Variants in MYO16 observed in about 807,000 individuals in gnomAD.
MYO16 encodes myosin XVI.
A neutral mutation model predicts 205.3 loss-of-function variants in MYO16; 94 were observed. The ratio of observed to expected loss-of-function variants is 0.46; its 90% CI spans 0.39 to 0.54. The LOEUF (loss-of-function observed/expected upper bound fraction) is 0.54. MYO16 is among the 20% of genes least tolerant of loss of function. The probability of loss-of-function intolerance (pLI) is 0.00; values close to 1 mark genes in which losing one functional copy is unlikely to be tolerated. For synonymous variants in MYO16, 988 were observed against 954.0 expected (o/e 1.04, Z -0.66); for missense variants, 2,315 against 2,387.5 (o/e 0.97, Z 0.63).
intron 32 of MYO16, among the ~76,000 whole-genome samples, chr13:109,159,449 T>A (rs1878257512): frequency 6.6e-6 from 1 of 152,228 alleles, no homozygotes; most frequent in South Asian, 2.1e-4. Flanking sequence ...AGAAAGAGAA[T>A]TTCTATAGCA....
intron 11 of MYO16, among the ~76,000 whole-genome samples, chr13:108,863,407 G>T (rs980389528): frequency 1.3e-5 from 2 of 152,186 alleles, no homozygotes; most frequent in East Asian, 3.9e-4. Flanking sequence ...AATCAATAAT[G>T]AGCATTGGAT....
At chr13:108,921,946 G>C (rs1443772332) in intron 16 of MYO16, among the ~76,000 whole-genome samples, 1 of 152,162 alleles carries the variant, frequency 6.6e-6, no homozygotes, top group African/African-American at 2.4e-5. Flanking sequence ...AGTGTAGAAG[G>C]CTCCTTCCCA....
chr13:108,906,488 G>A (rs1031016176), intron 15 of MYO16, among the ~76,000 whole-genome samples: 1 of 152,146 alleles, frequency 6.6e-6, no homozygotes, highest in African/African-American at 2.4e-5. Flanking sequence ...TGTAATAACA[G>A]ATGAATAATC....
intron 4 of MYO16, among the ~76,000 whole-genome samples, chr13:108,737,358 A>AT (rs1884740951): frequency 6.6e-6 from 1 of 152,012 alleles, no homozygotes; most frequent in Non-Finnish European, 1.5e-5. Flanking sequence ...GGGCTGTTGA[A>AT]TTTTTTCAAA....
intron 1 of MYO16, among the ~76,000 whole-genome samples, chr13:108,636,824 C>A (rs1157557600): frequency 6.6e-6 from 1 of 152,194 alleles, no homozygotes; most frequent in Non-Finnish European, 1.5e-5. Flanking sequence ...GTGATGACTT[C>A]AAACTGAGAC....
intron 16 of MYO16, among the ~76,000 whole-genome samples, chr13:108,912,761 T>C (rs1346621467): frequency 2.6e-5 from 4 of 151,978 alleles, no homozygotes. Context: ...CTGCTCCCAA[T>C]CCTTCTAACG....
intron 12 of MYO16, among the ~76,000 whole-genome samples, chr13:108,876,879 G>A (rs144679273): frequency 1.9e-4 from 29 of 152,126 alleles, no homozygotes; most frequent in Middle Eastern, 6.8e-3. Flanking sequence ...AGTTAGCCGG[G>A]ATGGTCTCAA....
Position 109,207,562 on chromosome 13 carries a change from TCCTATGC to T in MYO16, c.*730_*736del, listed in dbSNP as rs1880654989. 6.6e-6 allele frequency: 1 copy of T among 152,210 alleles called. No individual in the cohort carries two copies. Among genetic ancestry groups the T allele is most frequent in the South Asian group, 2.1e-4 (1 of 4,830 alleles). 9.4% of individuals were successfully genotyped at this position (152,210 alleles called of 1,614,324 possible). A position where few individuals can be genotyped will look rare whatever the true frequency, so the allele number is the denominator to read the frequency against. ...ACTCATGGATGAGGAGGCTGTTCTTTCCTATGCCCTGTATTTCTGGATAAGTGGATTG... is the reference window on the plus strand; with the variant it reads ...ACTCATGGATGAGGAGGCTGTTCTTTCCTGTATTTCTGGATAAGTGGATTG... On this transcript the variant is annotated 3_prime_UTR_variant, in exon 35 of 35. Coordinates refer to ENST00000457511, the MANE Select transcript of MYO16 (RefSeq NM_001198950.3).
Position 108,806,719 on chromosome 13 carries a change from C to G in MYO16, c.782C>G (p.Ser261Cys), listed in dbSNP as rs896258459. The change falls in exon 7 of 35, where the codon TCT becomes TGT. Residue 261 changes from serine to cysteine, a missense_variant. Transcript: ENST00000457511. ...GCGAGTGGCTACAAGGAGGTGGTGT[C>G]TCTTATCCTGGAACATGGTGGAGAC... ...ACASGYKEVV[S>C]LILEHGGDLN... 6.2e-7 allele frequency: 1 copy of G among 1,613,186 alleles called. No individual in the cohort carries two copies. Among genetic ancestry groups the G allele is most frequent in the Non-Finnish European group, 8.5e-7 (1 of 1,179,418 alleles).
chr13:109,049,679 G>A (rs547789229), intron 24 of MYO16, among the ~76,000 whole-genome samples: 157 of 151,926 alleles, frequency 1.0e-3, no homozygotes, highest in African/African-American at 3.5e-3. Flanking sequence ...TTGCTTATCT[G>A]TGGGTTCACT....
At chr13:108,640,755 A>G (rs1594167416) in intron 1 of MYO16, among the ~76,000 whole-genome samples, 1 of 152,336 alleles carries the variant, frequency 6.6e-6, no homozygotes, top group Non-Finnish European at 1.5e-5. Flanking sequence ...TTGGCATCCT[A>G]CAATGGTTTG....
chr13:109,173,524 C>A (rs1456141982), intron 33 of MYO16, among the ~76,000 whole-genome samples: 1 of 152,068 alleles, frequency 6.6e-6, no homozygotes, highest in Non-Finnish European at 1.5e-5. Flanking sequence ...GAATCAGCTT[C>A]TCTGATAGAA....
intron 24 of MYO16, chr13:109,048,357 A>G: frequency 1.3e-6 from 1 of 760,244 alleles, no homozygotes; most frequent in Non-Finnish European, 2.4e-6. Flanking sequence ...GCTTCTGAGC[A>G]AAAGGACAGA....
intron 22 of MYO16, among the ~76,000 whole-genome samples, chr13:109,016,416 G>T (rs751347232): frequency 2.0e-5 from 3 of 152,204 alleles, no homozygotes; most frequent in African/African-American, 4.8e-5. Flanking sequence ...GTGTGATGTG[G>T]TGCTAAGAAG....
At chr13:108,809,147 C>T (rs12583612) in intron 7 of MYO16, among the ~76,000 whole-genome samples, 6,640 of 152,284 alleles carry the variant, frequency 0.044, 217 homozygotes, top group East Asian at 0.14. Flanking sequence ...TTATTACTCC[C>T]TCTCCAGTGT....
chr13:108,986,880 A>G (rs1395360648), intron 20 of MYO16, among the ~76,000 whole-genome samples: 1 of 152,186 alleles, frequency 6.6e-6, no homozygotes, highest in Admixed American at 6.5e-5. Context: ...ACTTACAGAC[A>G]CAGGCCCTAC....
chr13:108,546,739 C>T, the MYO16 span, among the ~76,000 whole-genome samples: 41 of 152,276 alleles, frequency 2.7e-4, no homozygotes, highest in Middle Eastern at 3.4e-3. Context: ...AACACAGAAC[C>T]CCAAAGTGGG....
chr13:108,697,433 G>T (rs1883133833), intron 2 of MYO16, among the ~76,000 whole-genome samples: 1 of 152,138 alleles, frequency 6.6e-6, no homozygotes, highest in African/African-American at 2.4e-5. Context: ...ACTCAGCACG[G>T]GAGGACATTT....
chr13:108,696,653 G>A (rs1883101730), intron 2 of MYO16, among the ~76,000 whole-genome samples: 1 of 152,152 alleles, frequency 6.6e-6, no homozygotes, highest in Non-Finnish European at 1.5e-5. Flanking sequence ...ATCTTGAGCT[G>A]AATGATAGTT....
Sources: allele counts gnomAD v4.1 joint callset (sites outside exome capture counted in the v4.1 genomes callset), GRCh38; gene constraint gnomAD v4.1.1; transcripts MANE v1.5; gene names NCBI Gene and HGNC (gene_info 2026-07-23, HGNC 2026-07-21).